The following DNAH8 variants were observed in gnomAD, a reference collection of about 807,000 sequenced individuals.
DNAH8 encodes dynein axonemal heavy chain 8, also known as axonemal beta dynein heavy chain 8.
DNAH8 carries 382 observed loss-of-function variants against 562.1 expected under a neutral mutation model. That is an observed-to-expected ratio of 0.68 (90% CI 0.63 to 0.74). The LOEUF is 0.74. Among genes scored for constraint, DNAH8 ranks in the 30% least tolerant of loss-of-function variants. The pLI is 0.00. For synonymous variants in DNAH8, 1,881 were observed against 1,919.4 expected (o/e 0.98, Z 0.52); for missense variants, 5,203 against 5,620.4 (o/e 0.93, Z 2.37).
chr6:38,898,210 A>G, intron 60 of DNAH8, 48 bp from the exon 61 acceptor site: 6 of 1,507,508 alleles, frequency 4.0e-6, no homozygotes, highest in Non-Finnish European at 5.3e-6. Context: ...ACTTTAATAC[A>G]TACTTGGATC....
chr6:38,919,745 T>C (rs747358475), intron 70 of DNAH8, among the ~76,000 whole-genome samples: 3 of 152,146 alleles, frequency 2.0e-5, no homozygotes, highest in African/African-American at 4.8e-5. Flanking sequence ...ATGAACTCAG[T>C]CATTCCTAAT....
At chr6:38,876,957 A>G (rs1778063630) in intron 53 of DNAH8, among the ~76,000 whole-genome samples, 1 of 152,240 alleles carries the variant, frequency 6.6e-6, no homozygotes, top group African/African-American at 2.4e-5. Context: ...TAATTGTATT[A>G]CATGTGTTAG....
chr6:39,006,200 C>G (rs564056048), intron 88 of DNAH8, among the ~76,000 whole-genome samples: 2 of 152,244 alleles, frequency 1.3e-5, no homozygotes, highest in African/African-American at 4.8e-5. Flanking sequence ...TATTTAGCAC[C>G]TACAGAACTG....
intron 65 of DNAH8, 142 bp from the exon 66 acceptor site, chr6:38,911,326 C>T: frequency 1.4e-6 from 1 of 712,886 alleles, no homozygotes; most frequent in Non-Finnish European, 2.5e-6. Flanking sequence ...TTCCACCTCA[C>T]CTCTGAGAAA....
intron 3 of DNAH8, among the ~76,000 whole-genome samples, chr6:38,727,407 G>A (rs558918303): frequency 2.6e-5 from 4 of 152,348 alleles, no homozygotes; most frequent in Admixed American, 2.0e-4. Context: ...CAGGAAATGG[G>A]AGGGCAGAAG....
chr6:38,728,420 A>T (rs1763400747), intron 3 of DNAH8, among the ~76,000 whole-genome samples: 1 of 152,234 alleles, frequency 6.6e-6, no homozygotes, highest in Admixed American at 6.5e-5. Flanking sequence ...CCATGATCTC[A>T]CATTTACTTT....
At chr6:38,783,277 G>T in intron 17 of DNAH8, 138 bp downstream of exon 17, 1 of 626,912 alleles carries the variant, frequency 1.6e-6, no homozygotes, top group African/African-American at 1.9e-5. Context: ...TGCTACAGTG[G>T]TTTATTTGTT....
chr6:38,859,872 G>C (rs1449328876), intron 42 of DNAH8, among the ~76,000 whole-genome samples: 1 of 152,158 alleles, frequency 6.6e-6, no homozygotes, highest in African/African-American at 2.4e-5. Flanking sequence ...GCTTCCGACT[G>C]CTATGAAGAC....
chr6:38,783,258 A>C, intron 17 of DNAH8, 119 bp downstream of exon 17: 1 of 793,922 alleles, frequency 1.3e-6, no homozygotes, highest in East Asian at 2.7e-5. Context: ...TACAATTTAG[A>C]TTTAGGGATG....
At chr6:38,851,316 G>T (rs1043455791) in intron 38 of DNAH8, among the ~76,000 whole-genome samples, 2 of 152,140 alleles carry the variant, frequency 1.3e-5, no homozygotes, top group Admixed American at 6.5e-5. Context: ...AAAGGTCATA[G>T]GAGGGCATCT....
At chr6:38,878,925 A>G (rs937800755) in intron 53 of DNAH8, among the ~76,000 whole-genome samples, 2 of 152,180 alleles carry the variant, frequency 1.3e-5, no homozygotes, top group Non-Finnish European at 2.9e-5. Context: ...ATTCCACATG[A>G]TACGTTAATT....
At chr6:38,926,470 T>C (rs1487616259) in intron 74 of DNAH8, among the ~76,000 whole-genome samples, 1 of 152,194 alleles carries the variant, frequency 6.6e-6, no homozygotes, top group Non-Finnish European at 1.5e-5. Context: ...GTGGCTTTTG[T>C]TCCGGGCCTT....
intron 5 of DNAH8, among the ~76,000 whole-genome samples, chr6:38,735,779 A>G (rs1373604550): frequency 6.6e-6 from 1 of 152,188 alleles, no homozygotes; most frequent in Non-Finnish European, 1.5e-5. Context: ...AACCCTTTTA[A>G]TGGATTCTTT....
rs577653982 is a variant in DNAH8 at position 38,794,734 on chromosome 6, G to A, written c.2901+3060G>A. 5.6e-4 allele frequency among the ~76,000 whole-genome samples: 86 copies of A among 152,244 alleles called. 1 individual carries two copies. Among genetic ancestry groups the A allele is most frequent in the African/African-American group, 2.0e-3 (82 of 41,524 alleles). The stretch of plus-strand genomic sequence containing the variant: ...TCATCTTTGCAGTTGTGACACATTC[G>A]TTCTTTCATTTCAACTTCTCATTGC... On this transcript the variant is annotated intron_variant, in intron 21 of 92. Transcript: ENST00000327475.
chr6:38,990,836 T>A (rs1764736418), intron 88 of DNAH8, among the ~76,000 whole-genome samples: 1 of 152,202 alleles, frequency 6.6e-6, no homozygotes, highest in Admixed American at 6.5e-5. Context: ...CCCTTCTCTC[T>A]TTAGGATCCC....
At chr6:38,808,010 C>T (rs1241164398) in intron 24 of DNAH8, among the ~76,000 whole-genome samples, 1 of 152,170 alleles carries the variant, frequency 6.6e-6, no homozygotes, top group Non-Finnish European at 1.5e-5. Context: ...TGGTTTTCTT[C>T]ACAGTTTACT....
intron 36 of DNAH8, among the ~76,000 whole-genome samples, chr6:38,847,732 T>C (rs114384086): frequency 1.5e-3 from 233 of 152,314 alleles, no homozygotes; most frequent in African/African-American, 4.9e-3. Context: ...CTGCACCACA[T>C]TGAAACTGCT....
chr6:38,945,712 T>G, intron 80 of DNAH8, 124 bp downstream of exon 80: 1 of 1,307,648 alleles, frequency 7.6e-7, no homozygotes, highest in South Asian at 1.3e-5. Context: ...TAGTTTGGAT[T>G]TGAGGCTCTG....
chr6:38,834,795 C>A (rs1393770983), intron 32 of DNAH8, among the ~76,000 whole-genome samples, 154 bp downstream of exon 32: 1 of 152,108 alleles, frequency 6.6e-6, no homozygotes, highest in African/African-American at 2.4e-5. Context: ...GCAATTGACT[C>A]CTCTGTCTCC....
Sources: gnomAD v4.1 joint callset for allele counts (sites outside exome capture counted in the v4.1 genomes callset) on GRCh38, gnomAD v4.1.1 for gene constraint, MANE v1.5 for transcripts, NCBI Gene and HGNC (gene_info 2026-07-23, HGNC 2026-07-21) for gene names.